RBFOX1: variants seen among roughly 807,000 people sequenced by gnomAD.
The protein encoded by RBFOX1 is RNA binding protein fox-1 homolog 1.
RBFOX1 carries 8 observed loss-of-function variants against 57.7 expected under a neutral mutation model. The ratio of observed to expected loss-of-function variants is 0.14; its 90% CI spans 0.08 to 0.25. The LOEUF (loss-of-function observed/expected upper bound fraction) is 0.25, where lower values mean the gene tolerates loss of function less well. RBFOX1 is among the 10% of genes least tolerant of loss of function. The pLI is 1.00. For synonymous variants in RBFOX1, 326 were observed against 222.4 expected, an observed-to-expected ratio of 1.47 and a Z score of -4.15; for missense variants, 611 against 548.5, an observed-to-expected ratio of 1.11 and a Z score of -1.14.
At chr16:7,443,706 C>A (rs979994501) in intron 4 of RBFOX1, among the ~76,000 whole-genome samples, 34 of 152,148 alleles carry the variant, frequency 2.2e-4, no homozygotes, top group African/African-American at 8.0e-4. Context: ...AACTTGAAAT[C>A]ATTTCACATG....
At chr16:6,891,727 C>G (rs117694335) in intron 3 of RBFOX1, among the ~76,000 whole-genome samples, 1,882 of 152,244 alleles carry the variant, frequency 0.012, 22 homozygotes, top group Non-Finnish European at 0.02. Context: ...GAACGTGGAA[C>G]GCAGCACTCC....
intron 3 of RBFOX1, among the ~76,000 whole-genome samples, chr16:6,778,500 T>G (rs1454712176): frequency 6.6e-6 from 1 of 152,134 alleles, no homozygotes; most frequent in East Asian, 1.9e-4. Context: ...TCCTTCAACA[T>G]TAACATTGAT....
intron 4 of RBFOX1, among the ~76,000 whole-genome samples, chr16:7,135,086 A>C (rs988098919): frequency 6.6e-6 from 1 of 152,222 alleles, no homozygotes; most frequent in African/African-American, 2.4e-5. Flanking sequence ...ACATTTGGTA[A>C]AACTGACTTA....
At chr16:5,794,050 GT>G (rs2054794259) in intron 3 of RBFOX1, among the ~76,000 whole-genome samples, 1 of 152,150 alleles carries the variant, frequency 6.6e-6, no homozygotes, top group South Asian at 2.1e-4. Context: ...GTCATTTGTG[GT>G]TAAGGGAATG....
chr16:7,585,086 C>G (rs550666805), intron 6 of RBFOX1, among the ~76,000 whole-genome samples: 1 of 152,318 alleles, frequency 6.6e-6, no homozygotes, highest in African/African-American at 2.4e-5. Flanking sequence ...CCTTTTCAAG[C>G]TTCTCTTTCT....
intron 4 of RBFOX1, among the ~76,000 whole-genome samples, chr16:5,928,793 C>A (rs982961319): frequency 1.3e-5 from 2 of 151,896 alleles, no homozygotes; most frequent in Admixed American, 1.3e-4. Flanking sequence ...AGTTGTCTGA[C>A]CAGTTCTTTC....
chr16:5,325,642 G>C (rs1230679376), intron 1 of RBFOX1, among the ~76,000 whole-genome samples: 2 of 152,034 alleles, frequency 1.3e-5, no homozygotes, highest in Non-Finnish European at 2.9e-5. Flanking sequence ...TGTCCCTATA[G>C]TTTTGTTTTT....
At chr16:7,674,466 A>G (rs1404703241) in intron 13 of RBFOX1, among the ~76,000 whole-genome samples, 1 of 152,236 alleles carries the variant, frequency 6.6e-6, no homozygotes, top group African/African-American at 2.4e-5. Context: ...CTGCACAGCA[A>G]TGAGACCACT....
chr16:7,208,051 T>A lies in RBFOX1; in HGVS notation c.27+155953T>A, dbSNP rs575567752. ...GGTATCTTCTCTGGAAAACTAGGAC[T>A]TTAGGCAACATCAATCCTGCAACAG... On this transcript the variant is annotated intron_variant, in intron 4 of 15. Transcript: ENST00000550418. Among the ~76,000 whole-genome samples the A allele has an allele frequency of 3.9e-5, 6 of 152,320 alleles. No homozygotes were observed. In the East Asian group the frequency reaches 1.2e-3, roughly 29 times the overall value.
At chr16:5,580,724 C>T (rs2046637124) in intron 2 of RBFOX1, among the ~76,000 whole-genome samples, 1 of 152,134 alleles carries the variant, frequency 6.6e-6, no homozygotes, top group African/African-American at 2.4e-5. Flanking sequence ...ACATAGAGGC[C>T]GAGAGGTGGG....
chr16:6,614,135 A>G (rs1040392694), intron 2 of RBFOX1, among the ~76,000 whole-genome samples: 2 of 152,212 alleles, frequency 1.3e-5, no homozygotes, highest in African/African-American at 2.4e-5. Flanking sequence ...AAAAATATTG[A>G]ATTTCCCATG....
intron 3 of RBFOX1, among the ~76,000 whole-genome samples, chr16:6,834,758 C>A (rs577154095): frequency 6.6e-6 from 1 of 152,142 alleles, no homozygotes; most frequent in Non-Finnish European, 1.5e-5. Flanking sequence ...GAGACAGTTG[C>A]ATTTACTCAG....
intron 1 of RBFOX1, among the ~76,000 whole-genome samples, chr16:5,331,328 A>G (rs1250860303): frequency 1.3e-5 from 2 of 152,232 alleles, no homozygotes; most frequent in African/African-American, 4.8e-5. Context: ...GTGCTGTGTA[A>G]CAAATCACCT....
At chr16:7,106,227 G>C (rs1021581732) in intron 4 of RBFOX1, among the ~76,000 whole-genome samples, 1 of 152,160 alleles carries the variant, frequency 6.6e-6, no homozygotes, top group Non-Finnish European at 1.5e-5. Context: ...CATAATGACT[G>C]TGTGTGCATG....
chr16:7,695,091 T>G (rs1307020674), intron 14 of RBFOX1, among the ~76,000 whole-genome samples: 4 of 152,212 alleles, frequency 2.6e-5, no homozygotes, highest in Non-Finnish European at 5.9e-5. Context: ...CTACCTAATC[T>G]AGATGGCTGC....
intron 4 of RBFOX1, among the ~76,000 whole-genome samples, chr16:7,412,574 A>G (rs557000615): frequency 6.6e-6 from 1 of 152,338 alleles, no homozygotes; most frequent in Admixed American, 6.5e-5. Flanking sequence ...AATATGGACT[A>G]ATCAAATACT....
chr16:6,743,001 A>G (rs1014967493), intron 3 of RBFOX1, among the ~76,000 whole-genome samples: 3 of 152,212 alleles, frequency 2.0e-5, no homozygotes, highest in Non-Finnish European at 4.4e-5. Context: ...ATATGATATT[A>G]TAGTTGCATA....
rs867326252 is a variant in RBFOX1, at chr16:5,845,067, T to C, written c.319-22236T>C. ...AAGCTAATTACCCGAGATTCTTTTT[T>C]TTTTTTTTTTTTCTGTAACACGGAG... On this transcript the variant is annotated intron_variant, in intron 3 of 19. Transcript: ENST00000641259. 3.5e-3 allele frequency among the ~76,000 whole-genome samples: 537 copies of C among 151,956 alleles called. 6 individuals carry two copies. Among genetic ancestry groups the C allele is most frequent in the Middle Eastern group, 0.027 (8 of 292 alleles).
At chr16:6,798,896 T>G (rs1031948152) in intron 3 of RBFOX1, among the ~76,000 whole-genome samples, 8 of 152,242 alleles carry the variant, frequency 5.3e-5, no homozygotes, top group African/African-American at 1.9e-4. Flanking sequence ...CTGTAGAGGT[T>G]TAGAGAAAAA....
Sources: gnomAD v4.1 joint callset for allele counts (sites outside exome capture counted in the v4.1 genomes callset) on GRCh38, gnomAD v4.1.1 for gene constraint, MANE v1.5 for transcripts, NCBI Gene and HGNC (gene_info 2026-07-23, HGNC 2026-07-21) for gene names.